CTNNA2: variants seen among roughly 807,000 people sequenced by gnomAD.
The protein encoded by CTNNA2 is catenin alpha 2.
CTNNA2 carries 42 observed loss-of-function variants against 101.0 expected under a neutral mutation model. The observed-to-expected ratio is 0.42, with a 90% CI of 0.32 to 0.54. The LOEUF (loss-of-function observed/expected upper bound fraction) is 0.54, where lower values mean the gene tolerates loss of function less well. CTNNA2 is among the 20% of genes least tolerant of loss of function. The pLI is 0.14. For missense variants in CTNNA2, 871 were observed against 1,223.1 expected (o/e 0.71, Z 4.29); for synonymous variants, 450 against 456.4 (o/e 0.99, Z 0.18).
intron 7 of CTNNA2, among the ~76,000 whole-genome samples, chr2:80,026,496 G>A (rs963299799): frequency 1.3e-5 from 2 of 152,130 alleles, no homozygotes; most frequent in African/African-American, 4.8e-5. Context: ...GCTGGCTGTG[G>A]AGAGAGTCTT....
rs372233066 is a variant in CTNNA2, at chr2:80,302,621, C to G, written c.1057-90590C>G. The G allele has an allele frequency of 2.7e-5, 44 of 1,605,712 alleles. No individual in the cohort carries two copies. Among genetic ancestry groups the G allele is most frequent in the Non-Finnish European group, 3.5e-5 (41 of 1,178,320 alleles). ...AGGCTCGAATGTGCCGTCGTGCTGCCCCTCCCCGCCGTCCGCGAGCGTGGT... is the reference window on the plus strand; with the variant it reads ...AGGCTCGAATGTGCCGTCGTGCTGCGCCTCCCCGCCGTCCGCGAGCGTGGT... On this transcript the variant is annotated intron_variant, in intron 7 of 18. Coordinates refer to ENST00000402739, the MANE Select transcript of CTNNA2 (RefSeq NM_001282597.3). This position sits in a 1 kb window ranked among gnomAD's most constrained non-coding sequence, Gnocchi z 6.4.
chr2:79,680,783 C>T (rs542833947), intron 2 of CTNNA2, among the ~76,000 whole-genome samples: 1 of 152,258 alleles, frequency 6.6e-6, no homozygotes, highest in East Asian at 1.9e-4. Flanking sequence ...TACTGCTGCT[C>T]CTGCTAGTGC....
intron 1 of CTNNA2, among the ~76,000 whole-genome samples, chr2:79,585,075 A>G (rs1676395828): frequency 6.6e-6 from 1 of 152,062 alleles, no homozygotes. Flanking sequence ...TTCTGTATAC[A>G]TAGTTTATAT....
intron 7 of CTNNA2, among the ~76,000 whole-genome samples, chr2:80,069,613 C>T (rs1698198110): frequency 6.6e-6 from 1 of 152,014 alleles, no homozygotes; most frequent in Non-Finnish European, 1.5e-5. Flanking sequence ...GTGAAATTAA[C>T]AATGCTTAAA....
At chr2:80,257,960 G>T (rs1672302259) in intron 7 of CTNNA2, among the ~76,000 whole-genome samples, 1 of 152,180 alleles carries the variant, frequency 6.6e-6, no homozygotes, top group Admixed American at 6.5e-5. Context: ...ATTTAAAATT[G>T]TCACATACAG....
At chr2:79,934,813 A>G (rs1187173444) in intron 7 of CTNNA2, among the ~76,000 whole-genome samples, 1 of 152,368 alleles carries the variant, frequency 6.6e-6, no homozygotes, top group Middle Eastern at 3.4e-3. Flanking sequence ...ATCCTATTTT[A>G]TGTTACAAAT....
At chr2:80,062,872 A>AT (rs1285638516) in intron 7 of CTNNA2, among the ~76,000 whole-genome samples, 1 of 151,792 alleles carries the variant, frequency 6.6e-6, no homozygotes, top group African/African-American at 2.4e-5. Context: ...CACCTGGCTA[A>AT]TTTTTTGTAT....
At chr2:79,649,473 A>T (rs1256560354) in intron 1 of CTNNA2, 2 of 154,782 alleles carry the variant, frequency 1.3e-5, no homozygotes, top group Non-Finnish European at 2.9e-5. Flanking sequence ...TATCATAAGT[A>T]CTGGACTAAG....
chr2:79,630,363 T>C (rs571843547), intron 1 of CTNNA2, among the ~76,000 whole-genome samples: 1 of 152,316 alleles, frequency 6.6e-6, no homozygotes, highest in Non-Finnish European at 1.5e-5. Flanking sequence ...TCCAAGAACA[T>C]TTAAAACAGT....
intron 7 of CTNNA2, among the ~76,000 whole-genome samples, chr2:80,006,300 A>G (rs416523): frequency 0.88 from 132,878 of 150,644 alleles, 58,903 homozygotes; most frequent in African/African-American, 0.93. Flanking sequence ...AATATTTAAA[A>G]TGATACATTT....
chr2:79,541,427 C>CATATATATAT (rs9284785), intron 1 of CTNNA2, among the ~76,000 whole-genome samples: 13 of 142,788 alleles, frequency 9.1e-5, no homozygotes, highest in Admixed American at 2.9e-4. Flanking sequence ...CGCACACACA[C>CATATATATAT]ATATATATAT....
At chr2:79,877,560 G>A (rs1389000720) in intron 6 of CTNNA2, among the ~76,000 whole-genome samples, 1 of 151,984 alleles carries the variant, frequency 6.6e-6, no homozygotes, top group Non-Finnish European at 1.5e-5. Context: ...TCTTAGGCAT[G>A]CTAACTTGAA....
chr2:79,936,435 T>TA (rs1687794167), intron 7 of CTNNA2, among the ~76,000 whole-genome samples: 1 of 152,112 alleles, frequency 6.6e-6, no homozygotes, highest in Admixed American at 6.5e-5. Flanking sequence ...GGAACAGAGT[T>TA]ACAGACAACC....
At chr2:80,018,705 C>G (rs1206819245) in intron 7 of CTNNA2, among the ~76,000 whole-genome samples, 1 of 150,264 alleles carries the variant, frequency 6.7e-6, no homozygotes, top group African/African-American at 2.5e-5. Context: ...CGTTTGAACC[C>G]GGGAGACAGA....
intron 7 of CTNNA2, among the ~76,000 whole-genome samples, chr2:80,101,198 A>G (rs551022060): frequency 1.1e-4 from 16 of 152,314 alleles, no homozygotes; most frequent in African/African-American, 3.1e-4. Flanking sequence ...ATTAACTACC[A>G]CAACAAAAAG....
At chr2:79,309,238 C>T (rs912655636) in intron 2 of CTNNA2, among the ~76,000 whole-genome samples, 1 of 151,990 alleles carries the variant, frequency 6.6e-6, no homozygotes, top group Admixed American at 6.6e-5. Flanking sequence ...GTGATTCCAC[C>T]TACCCACTCC....
intron 9 of CTNNA2, among the ~76,000 whole-genome samples, chr2:80,518,888 C>G (rs1689303566): frequency 6.6e-6 from 1 of 152,270 alleles, no homozygotes; most frequent in African/African-American, 2.4e-5. Context: ...TTGTAATAGA[C>G]TTATCTGTGC....
chr2:79,740,159 TC>T (rs1345986036), intron 2 of CTNNA2, among the ~76,000 whole-genome samples: 1 of 152,140 alleles, frequency 6.6e-6, no homozygotes, highest in Non-Finnish European at 1.5e-5. Flanking sequence ...ATTCTCTCCC[TC>T]CTCCCAACCT....
intron 7 of CTNNA2, among the ~76,000 whole-genome samples, chr2:80,265,664 G>A (rs571960908): frequency 6.6e-6 from 1 of 152,208 alleles, no homozygotes; most frequent in African/African-American, 2.4e-5. Flanking sequence ...CTATTTTTCT[G>A]TGTTGACATG....
Sources: gnomAD v4.1 joint callset for allele counts (sites outside exome capture counted in the v4.1 genomes callset) on GRCh38, gnomAD v4.1.1 for gene constraint, Gnocchi (gnomAD v3.1) non-coding constraint, MANE v1.5 for transcripts, NCBI Gene and HGNC (gene_info 2026-07-23, HGNC 2026-07-21) for gene names.